Variants in APOBEC1 observed in about 807,000 individuals in gnomAD.
The protein encoded by APOBEC1 is C->U-editing enzyme APOBEC-1.
In APOBEC1, 22 loss-of-function variants were observed where a neutral mutation model predicts 26.3. That is an observed-to-expected ratio of 0.84 (90% CI 0.60 to 1.19). APOBEC1 has a LOEUF of 1.19. APOBEC1 is among the 50% of genes most tolerant of loss of function. The probability of loss-of-function intolerance (pLI) is 0.00; values close to 1 mark genes in which losing one functional copy is unlikely to be tolerated. For missense variants in APOBEC1, 253 were observed against 289.0 expected (o/e 0.88, Z 0.90); for synonymous variants, 77 against 95.3 (o/e 0.81, Z 1.12).
At chr12:7,669,135 T>A (rs1863925779), upstream of APOBEC1, among the ~76,000 whole-genome samples, 1 of 152,126 alleles carries the variant, frequency 6.6e-6, no homozygotes, top group Non-Finnish European at 1.5e-5. Context: ...ATTATAGAAC[T>A]TCATACAAAT....
In APOBEC1 at chr12:7,649,607, C is replaced by A. The variant is rs749540186; in HGVS notation, c.651G>T (p.Thr217=). The A allele has an allele frequency of 1.2e-6, 2 of 1,613,950 alleles. No homozygotes were observed. Among genetic ancestry groups the A allele is most frequent in the Non-Finnish European group, 1.7e-6 (2 of 1,180,016 alleles). The change falls in exon 5 of 5, where the codon ACG becomes ACT. Residue 217 remains threonine, a synonymous_variant. Coordinates refer to ENST00000229304, the MANE Select transcript of APOBEC1 (RefSeq NM_001644.5). ...RLHLQNCHYQ[T]IPPHILLATG... ...TAGCTAAAAGGATGTGTGGCGGAATCGTTTGGTAATGGCAGTTTTGAAGAT... is the reference window on the plus strand; with the variant it reads ...TAGCTAAAAGGATGTGTGGCGGAATAGTTTGGTAATGGCAGTTTTGAAGAT...
At chr12:7,650,998 C>G in intron 4 of APOBEC1, 25 bp downstream of exon 4, 1 of 1,516,094 alleles carries the variant, frequency 6.6e-7, no homozygotes. Context: ...TTTGCATCAA[C>G]ATTTGTGTCC....
chr12:7,666,454 C>A (rs1400154058), upstream of APOBEC1, among the ~76,000 whole-genome samples: 1 of 151,734 alleles, frequency 6.6e-6, no homozygotes, highest in Admixed American at 6.6e-5. Flanking sequence ...ACACCACGCC[C>A]GGCTAATTTT....
intron 4 of APOBEC1, among the ~76,000 whole-genome samples, chr12:7,650,153 A>G (rs985647017): frequency 2.0e-5 from 3 of 152,152 alleles, no homozygotes; most frequent in South Asian, 2.1e-4. Context: ...GAACACGTAC[A>G]TTCTCTTCAA....
At chr12:7,667,449 AAG>A (rs1863908027), upstream of APOBEC1, among the ~76,000 whole-genome samples, 1 of 152,134 alleles carries the variant, frequency 6.6e-6, no homozygotes, top group South Asian at 2.1e-4. Context: ...TCCTACATAC[AAG>A]ACTTTACTTA....
chr12:7,650,801 G>A (rs1038097200), intron 4 of APOBEC1, among the ~76,000 whole-genome samples: 3 of 152,192 alleles, frequency 2.0e-5, no homozygotes, highest in Admixed American at 6.5e-5. Context: ...ATAGCTCACT[G>A]CAGCTTGCAA....
At chr12:7,652,371 C>G (rs1863655070) in intron 3 of APOBEC1, 67 bp downstream of exon 3, 1 of 1,442,348 alleles carries the variant, frequency 6.9e-7, no homozygotes. Flanking sequence ...AATCTTCTGG[C>G]CTAAAAACAG....
chr12:7,651,795 TTTTTTTATTTTA>T (rs1309043605), intron 3 of APOBEC1, among the ~76,000 whole-genome samples: 4 of 149,120 alleles, frequency 2.7e-5, no homozygotes, highest in Admixed American at 6.7e-5. Context: ...GCCTGTCTGA[TTTTTTTATTTTA>T]TTTTTTATTT....
upstream of APOBEC1, chr12:7,665,982 T>C: frequency 8.9e-7 from 1 of 1,124,808 alleles, no homozygotes. Flanking sequence ...AGAGGATGAC[T>C]CATTCCCGCA....
At position 7,660,410 on chromosome 12, in the gene APOBEC1, AAG is replaced by A. The variant is rs1555094956; in HGVS notation, c.16+5445_16+5446del. ...AAAGAAAGAAAGAAAGAAAGAAAGA[AAG>A]AGAGGGTATTTGGGCCAGGGACAGT... On this transcript the variant is annotated intron_variant, in intron 1 of 4. Coordinates refer to ENST00000229304, the MANE Select transcript of APOBEC1 (RefSeq NM_001644.5). 4.7e-5 allele frequency among the ~76,000 whole-genome samples: 4 copies of A among 84,270 alleles called. 1 individual carries two copies. The highest frequency in any genetic ancestry group is 2.2e-4 in the Admixed American group (2 of 8,898). 55.3% of individuals were successfully genotyped at this position (84,270 alleles called of 152,430 possible).
At chr12:7,651,444 C>T (rs903555107) in intron 3 of APOBEC1, among the ~76,000 whole-genome samples, 12 of 151,834 alleles carry the variant, frequency 7.9e-5, no homozygotes, top group African/African-American at 2.7e-4. Context: ...GAAACCCCGT[C>T]TCTACTAAAA....
At chr12:7,659,322 A>AAATATAT (rs1555094633) in intron 1 of APOBEC1, among the ~76,000 whole-genome samples, 13 of 46,292 alleles carry the variant, frequency 2.8e-4, no homozygotes, top group South Asian at 1.1e-3. Flanking sequence ...AAAAAAAAAA[A>AAATATAT]ATATATATAT....
chr12:7,670,052 T>C (rs6488568), upstream of APOBEC1, among the ~76,000 whole-genome samples: 16,941 of 136,844 alleles, frequency 0.12, 1,522 homozygotes, highest in African/African-American at 0.14. Flanking sequence ...GGCCCCATCT[T>C]GGCTCACTGC....
chr12:7,660,131 C>T (rs879920962), intron 1 of APOBEC1, among the ~76,000 whole-genome samples: 16 of 150,626 alleles, frequency 1.1e-4, no homozygotes, highest in South Asian at 2.1e-4. Flanking sequence ...GGTGAAACCC[C>T]GTCTCTACTA....
At position 7,649,575 on chromosome 12, in the gene APOBEC1, A is replaced by C. The variant is rs1318350791; in HGVS notation, c.683T>G (p.Leu228Arg). Residue 228 changes from leucine (L) to arginine (R), a missense_variant, in exon 5 of 5, where the codon CTG becomes CGG. Leu to Arg is a moderately radical substitution (Grantham distance 102). Coordinates refer to ENST00000229304, the MANE Select transcript of APOBEC1 (RefSeq NM_001644.5). Reference protein sequence around the residue: ...IPPHILLATGLIHPSVAWR With the variant: ...IPPHILLATGRIHPSVAWR ...TCTCCAAGCCACAGAAGGATGTATCAGCCCTGTAGCTAAAAGGATGTGTGG... is the reference window on the plus strand; with the variant it reads ...TCTCCAAGCCACAGAAGGATGTATCCGCCCTGTAGCTAAAAGGATGTGTGG... The C allele has an allele frequency of 6.2e-7, 1 of 1,614,216 alleles. No homozygotes were observed. Among genetic ancestry groups the C allele is most frequent in the Admixed American group, 1.7e-5 (1 of 60,028 alleles).
At chr12:7,665,654 T>C (rs1401601000) in intron 1 of APOBEC1, among the ~76,000 whole-genome samples, 3 of 151,956 alleles carry the variant, frequency 2.0e-5, no homozygotes, top group Non-Finnish European at 4.4e-5. Context: ...CACTTGGAGA[T>C]GTAAATATTT....
intron 1 of APOBEC1, among the ~76,000 whole-genome samples, chr12:7,655,782 A>C (rs1023185800): frequency 6.6e-6 from 1 of 152,012 alleles, no homozygotes; most frequent in African/African-American, 2.4e-5. Flanking sequence ...TGAAGCCAGA[A>C]ATTTGAGACC....
intron 3 of APOBEC1, among the ~76,000 whole-genome samples, 163 bp downstream of exon 3, chr12:7,652,275 A>G (rs763812098): frequency 2.0e-5 from 3 of 152,230 alleles, no homozygotes; most frequent in Non-Finnish European, 4.4e-5. Flanking sequence ...GTATTTTTGT[A>G]ACTTTCCTTG....
At chr12:7,660,372 G>A (rs1565442355) in intron 1 of APOBEC1, among the ~76,000 whole-genome samples, 13 of 97,034 alleles carry the variant, frequency 1.3e-4, no homozygotes, top group African/African-American at 2.3e-4. Flanking sequence ...AGGAAGGAAG[G>A]AAGGAAAGAA....
Sources: gnomAD v4.1 joint callset for allele counts (sites outside exome capture counted in the v4.1 genomes callset) on GRCh38, gnomAD v4.1.1 for gene constraint, MANE v1.5 for transcripts, NCBI Gene and HGNC (gene_info 2026-07-23, HGNC 2026-07-21) for gene names.